The following BICC1 variants were observed in gnomAD, a reference collection of about 807,000 sequenced individuals.
BICC1 encodes protein bicaudal C homolog 1.
A neutral mutation model predicts 111.0 loss-of-function variants in BICC1; 43 were observed. The observed-to-expected ratio is 0.39, with a 90% CI of 0.30 to 0.50. The LOEUF is 0.50. Among genes scored for constraint, BICC1 ranks in the 20% least tolerant of loss-of-function variants. BICC1 has a pLI of 0.88. For missense variants in BICC1, 1,091 were observed against 1,203.2 expected (o/e 0.91, Z 1.38); for synonymous variants, 467 against 434.4 (o/e 1.07, Z -0.93).
At chr10:58,601,847 C>CAA (rs1564507312) in intron 1 of BICC1, among the ~76,000 whole-genome samples, 1 of 151,984 alleles carries the variant, frequency 6.6e-6, no homozygotes, top group Non-Finnish European at 1.5e-5. Flanking sequence ...AGGGTTGTAT[C>CAA]TTGAATTGAA....
intron 1 of BICC1, among the ~76,000 whole-genome samples, chr10:58,514,044 A>C (rs1293409788): frequency 6.6e-6 from 1 of 152,240 alleles, no homozygotes; most frequent in Non-Finnish European, 1.5e-5. Context: ...TTCACAACTT[A>C]GAATTATTTT....
At chr10:58,799,612 G>T (rs976366713) in intron 12 of BICC1, among the ~76,000 whole-genome samples, 2 of 152,002 alleles carry the variant, frequency 1.3e-5, no homozygotes, top group Non-Finnish European at 2.9e-5. Flanking sequence ...ATTCCTTTCC[G>T]TATTGCTTGT....
At chr10:58,643,831 G>A (rs562823268) in intron 2 of BICC1, among the ~76,000 whole-genome samples, 34 of 152,200 alleles carry the variant, frequency 2.2e-4, no homozygotes, top group Admixed American at 3.9e-4. Context: ...AAGATCACAG[G>A]CTTTATTGCT....
chr10:58,692,078 A>G (rs941393064), intron 2 of BICC1, among the ~76,000 whole-genome samples: 3 of 152,142 alleles, frequency 2.0e-5, no homozygotes, highest in South Asian at 4.1e-4. Flanking sequence ...AATGAATGAG[A>G]TACAGTTGTT....
Position 58,775,318 on chromosome 10 carries a change from G to A in BICC1, c.308-9683G>A, listed in dbSNP as rs1842720008. ...GAATCTGGGAGGTGGAAGTTGCAGT[G>A]AGCTGAGATCGTGCCACTGCACTCC... is the stretch of plus-strand genomic sequence containing the variant. On this transcript the variant is annotated intron_variant, in intron 3 of 20. Transcript: ENST00000373886. 2.0e-5 allele frequency among the ~76,000 whole-genome samples: 3 copies of A among 151,854 alleles called. No homozygotes were observed. The South Asian group carries it at 6.2e-4, about 32-fold the overall frequency.
At position 58,745,609 on chromosome 10, in the gene BICC1, C is replaced by CCG. The variant is rs1215360559; in HGVS notation, c.308-39391_308-39390insGC. Reference sequence around the variant, plus strand: ...CTCTAAGAGCCCCCCACCGCCCCCCCCCCACATTTTTTTCTGATGGCTCCA... The same window carrying CCG: ...CTCTAAGAGCCCCCCACCGCCCCCCCCGCCCACATTTTTTTCTGATGGCTCCA... On this transcript the variant is annotated intron_variant, in intron 3 of 20. Coordinates refer to ENST00000373886, the MANE Select transcript of BICC1 (RefSeq NM_001080512.3). Among the ~76,000 whole-genome samples, 5 of 130,910 alleles carry CCG rather than the reference C, an allele frequency of 3.8e-5. No homozygotes were observed. In the East Asian group the frequency reaches 8.3e-4, roughly 22 times the overall value. 85.9% of individuals were successfully genotyped at this position (130,910 alleles called of 152,430 possible). A position where few individuals can be genotyped will look rare whatever the true frequency, so the allele number is the denominator to read the frequency against.
intron 1 of BICC1, among the ~76,000 whole-genome samples, chr10:58,613,571 C>T (rs556483865): frequency 2.0e-5 from 3 of 152,080 alleles, no homozygotes; most frequent in South Asian, 2.1e-4. Flanking sequence ...TTTTTTCTTC[C>T]GATCCAGCTC....
Position 58,742,159 on chromosome 10 carries a change from C to CTA in BICC1, c.307+40017_307+40018insAT, listed in dbSNP as rs1554827384. Among the ~76,000 whole-genome samples, 12 of 152,316 alleles carry CTA rather than the reference C, an allele frequency of 7.9e-5. No homozygotes were observed. The East Asian group carries it at 2.3e-3, about 29-fold the overall frequency. ...ACTGCCAAAGTAGGCAGTTTGAAAACTTGTTTTTTTCCTAAGTGCAAGTAT... is the reference window on the plus strand; with the variant it reads ...ACTGCCAAAGTAGGCAGTTTGAAAACTATTGTTTTTTTCCTAAGTGCAAGTAT... On this transcript the variant is annotated intron_variant, in intron 3 of 20. Coordinates refer to ENST00000373886, the MANE Select transcript of BICC1 (RefSeq NM_001080512.3).
chr10:58,739,666 G>A (rs1240222969), intron 3 of BICC1, among the ~76,000 whole-genome samples: 4 of 151,792 alleles, frequency 2.6e-5, no homozygotes, highest in Non-Finnish European at 5.9e-5. Flanking sequence ...CACTTTTGTT[G>A]TTAGAACCGA....
Position 58,693,354 on chromosome 10 carries a change from A to G in BICC1, c.238-8720A>G, listed in dbSNP as rs560435655. Among the ~76,000 whole-genome samples, 1,025 of 152,056 alleles carry G rather than the reference A, an allele frequency of 6.7e-3. 11 individuals are homozygous for G. Among genetic ancestry groups the G allele is most frequent in the African/African-American group, 0.023 (969 of 41,460 alleles). ...ATGTGTCTTTATAGCAGCATGATTT[A>G]TAATCCTTTGGGTATATACCCAGTA... On this transcript the variant is annotated intron_variant, in intron 2 of 20. Transcript: ENST00000373886.
chr10:58,585,710 A>T lies in BICC1; in HGVS notation c.191-35145A>T, dbSNP rs546432313. ...GTGCTTTATGTTTTTTAGTGGAGTAATCAGAAAATGGATTATCTCAGATAT... is the reference window on the plus strand; with the variant it reads ...GTGCTTTATGTTTTTTAGTGGAGTATTCAGAAAATGGATTATCTCAGATAT... On this transcript the variant is annotated intron_variant, in intron 1 of 20. Coordinates refer to ENST00000373886, the MANE Select transcript of BICC1 (RefSeq NM_001080512.3). 6.6e-5 allele frequency among the ~76,000 whole-genome samples: 10 copies of T among 152,298 alleles called. No homozygotes were observed. The South Asian group carries it at 2.1e-3, about 32-fold the overall frequency.
chr10:58,748,356 A>G (rs1841893584), intron 3 of BICC1, among the ~76,000 whole-genome samples: 1 of 151,862 alleles, frequency 6.6e-6, no homozygotes, highest in Non-Finnish European at 1.5e-5. Context: ...TTCTTGATAC[A>G]TTGAGATTTA....
rs1225786318 is a variant in BICC1 at position 58,786,948 on chromosome 10, A to G, written c.413A>G (p.Asp138Gly). Residue 138 changes from aspartate (D) to glycine (G), a missense_variant, in exon 5 of 21, where the codon GAT becomes GGT. By Grantham distance (94) the Asp-to-Gly change is moderately conservative. Transcript: ENST00000373886. ...AGCAATCGAGTCACACTGAAGATGG[A>G]TGTTTCACATACAGAACATTCACAT... ...TKSNRVTLKM[D>G]VSHTEHSHVI... 6.3e-7 allele frequency: 1 copy of G among 1,593,630 alleles called. No homozygotes were observed. Among genetic ancestry groups the G allele is most frequent in the African/African-American group, 1.4e-5 (1 of 73,374 alleles).
intron 2 of BICC1, among the ~76,000 whole-genome samples, chr10:58,626,235 G>A (rs762204641): frequency 6.6e-6 from 1 of 152,124 alleles, no homozygotes. Flanking sequence ...ATCAATGTGC[G>A]TCATTACTAA....
chr10:58,570,010 A>G (rs1041942130), intron 1 of BICC1, among the ~76,000 whole-genome samples: 3 of 152,196 alleles, frequency 2.0e-5, no homozygotes, highest in Non-Finnish European at 4.4e-5. Context: ...TCCCAACAAC[A>G]GTGTAAAAAC....
At chr10:58,591,947 G>A (rs943761066) in intron 1 of BICC1, among the ~76,000 whole-genome samples, 1 of 152,182 alleles carries the variant, frequency 6.6e-6, no homozygotes, top group Non-Finnish European at 1.5e-5. Context: ...TTCTCAAGTG[G>A]TGTTGTTTAT....
At chr10:58,520,382 A>G (rs1411192763) in intron 1 of BICC1, among the ~76,000 whole-genome samples, 1 of 152,128 alleles carries the variant, frequency 6.6e-6, no homozygotes, top group Non-Finnish European at 1.5e-5. Flanking sequence ...TTATCGTACT[A>G]CCATCTAGGG....
Position 58,542,231 on chromosome 10 carries a change from G to A in BICC1, c.190+28898G>A, listed in dbSNP as rs551999030. 3.3e-5 allele frequency among the ~76,000 whole-genome samples: 5 copies of A among 149,780 alleles called. No individual in the cohort carries two copies. The Admixed American group carries it at 3.3e-4, about 10-fold the overall frequency. On this transcript the variant is annotated intron_variant, in intron 1 of 20. Transcript: ENST00000373886. ...ATAGAGAATCGAGAAATAAATCCTC[G>A]CCTATATAGTCAAATGATTTTTGAC...
intron 2 of BICC1, among the ~76,000 whole-genome samples, chr10:58,637,942 G>A (rs796870669): frequency 4.0e-4 from 61 of 152,198 alleles, no homozygotes; most frequent in African/African-American, 1.2e-3. Flanking sequence ...GGAATTTGGG[G>A]GAGGTATGCG....
Sources: allele counts gnomAD v4.1 joint callset (sites outside exome capture counted in the v4.1 genomes callset), GRCh38; gene constraint gnomAD v4.1.1; transcripts MANE v1.5; gene names NCBI Gene and HGNC (gene_info 2026-07-23, HGNC 2026-07-21).